Variants in UNC13C observed in about 807,000 individuals in gnomAD.
The protein encoded by UNC13C is unc-13 homolog C, also known as protein unc-13 homolog C.
In UNC13C, 174 loss-of-function variants were observed where a neutral mutation model predicts 245.4. That is an observed-to-expected ratio of 0.71 (90% CI 0.63 to 0.80). The LOEUF (loss-of-function observed/expected upper bound fraction) is 0.80. Among genes scored for constraint, UNC13C ranks in the 30% least tolerant of loss-of-function variants. The pLI, the probability that UNC13C is intolerant of heterozygous loss-of-function variation, is 0.00. For missense variants in UNC13C, 2,829 were observed against 2,602.9 expected (o/e 1.09, Z -1.89); for synonymous variants, 992 against 895.1 (o/e 1.11, Z -1.93).
chr15:54,134,049 C>CGTGT (rs3082223), intron 2 of UNC13C, among the ~76,000 whole-genome samples: 36,322 of 149,428 alleles, frequency 0.24, 4,668 homozygotes, highest in East Asian at 0.29. Context: ...TACTGAGTTA[C>CGTGT]GTGTGTGTGT....
In UNC13C at chr15:53,991,082, G is replaced by T. The variant is rs145513487; in HGVS notation, c.-257+12155G>T. On this transcript the variant is annotated intron_variant, in intron 1 of 32. Coordinates refer to ENST00000260323, the MANE Select transcript of UNC13C (RefSeq NM_001080534.3). ...TTATCTACTGGGGGCACAGTACCATGGGATAGTCATGAATTTAGGGTATAT... is the reference window on the plus strand; with the variant it reads ...TTATCTACTGGGGGCACAGTACCATTGGATAGTCATGAATTTAGGGTATAT... Among the ~76,000 whole-genome samples, 4 of 152,088 alleles carry T rather than the reference G, an allele frequency of 2.6e-5. No individual in the cohort carries two copies. In the East Asian group the frequency reaches 7.8e-4, roughly 29 times the overall value.
At chr15:54,381,182 T>C (rs780849475) in intron 17 of UNC13C, among the ~76,000 whole-genome samples, 12 of 152,190 alleles carry the variant, frequency 7.9e-5, no homozygotes, top group Non-Finnish European at 1.3e-4. Flanking sequence ...CATGTGGATG[T>C]CTAGTTTTCT....
At chr15:54,604,651 A>G (rs138752965) in intron 30 of UNC13C, among the ~76,000 whole-genome samples, 131 of 152,260 alleles carry the variant, frequency 8.6e-4, no homozygotes, top group African/African-American at 3.1e-3. Flanking sequence ...ACAGTCAGCA[A>G]TTCCTCTAAG....
intron 18 of UNC13C, among the ~76,000 whole-genome samples, chr15:54,407,156 G>C (rs965815601): frequency 4.6e-5 from 7 of 152,146 alleles, no homozygotes; most frequent in African/African-American, 1.7e-4. Context: ...GATGGCCTGT[G>C]TTTTTAAAAG....
At chr15:54,162,185 C>G (rs540454629) in intron 4 of UNC13C, among the ~76,000 whole-genome samples, 1 of 152,118 alleles carries the variant, frequency 6.6e-6, no homozygotes, top group African/African-American at 2.4e-5. Context: ...TTTCTTACAG[C>G]AGATGATCTA....
chr15:54,186,908 G>A (rs529007612), intron 4 of UNC13C, among the ~76,000 whole-genome samples: 2 of 149,048 alleles, frequency 1.3e-5, no homozygotes, highest in South Asian at 4.2e-4. Flanking sequence ...GAGTGCAGTG[G>A]CACAAACTTG....
At chr15:54,276,104 A>G (rs2036825213) in intron 10 of UNC13C, among the ~76,000 whole-genome samples, 1 of 152,096 alleles carries the variant, frequency 6.6e-6, no homozygotes, top group African/African-American at 2.4e-5. Flanking sequence ...AAGAAATCAG[A>G]TCAGTGTTTT....
intron 17 of UNC13C, among the ~76,000 whole-genome samples, chr15:54,373,150 C>G (rs1402319829): frequency 1.3e-5 from 2 of 152,072 alleles, no homozygotes; most frequent in African/African-American, 4.8e-5. Context: ...GAAGGAGCAA[C>G]CTTGGGTGAG....
the UNC13C span, among the ~76,000 whole-genome samples, chr15:53,868,893 G>A: frequency 6.6e-6 from 1 of 152,068 alleles, no homozygotes; most frequent in African/African-American, 2.4e-5. Context: ...CAAAATAGAA[G>A]GATCATTTGA....
chr15:54,357,654 A>G (rs749596754), intron 17 of UNC13C, among the ~76,000 whole-genome samples: 6 of 151,560 alleles, frequency 4.0e-5, no homozygotes, highest in South Asian at 2.1e-4. Context: ...AAAATTAGAC[A>G]TATTAGGAGG....
chr15:54,589,657 C>A (rs138989425), intron 30 of UNC13C, among the ~76,000 whole-genome samples: 4 of 149,132 alleles, frequency 2.7e-5, no homozygotes, highest in Middle Eastern at 3.2e-3. Context: ...ACTTTTTCAT[C>A]AGATTTTTTT....
chr15:54,419,261 A>G (rs2040586689), intron 19 of UNC13C, among the ~76,000 whole-genome samples: 1 of 152,158 alleles, frequency 6.6e-6, no homozygotes. Flanking sequence ...TATGTAATTA[A>G]CTGGTCAGCC....
At chr15:53,849,741 A>T in the UNC13C span, among the ~76,000 whole-genome samples, 2 of 152,238 alleles carry the variant, frequency 1.3e-5, no homozygotes, top group East Asian at 3.9e-4. Flanking sequence ...GCAACCATCA[A>T]TTATCATGGA....
At chr15:54,519,109 AAAC>A (rs1284730457) in intron 24 of UNC13C, among the ~76,000 whole-genome samples, 1 of 152,180 alleles carries the variant, frequency 6.6e-6, no homozygotes, top group Non-Finnish European at 1.5e-5. Flanking sequence ...ACCCATTTGG[AAAC>A]AACGAGGAAG....
intron 24 of UNC13C, among the ~76,000 whole-genome samples, chr15:54,515,066 A>T (rs1351450452): frequency 3.9e-5 from 6 of 152,170 alleles, no homozygotes; most frequent in Non-Finnish European, 8.8e-5. Context: ...AACATCTCTG[A>T]TTCCTCTAGA....
intron 4 of UNC13C, among the ~76,000 whole-genome samples, chr15:54,222,291 T>C (rs1314087744): frequency 6.6e-6 from 1 of 151,956 alleles, no homozygotes; most frequent in African/African-American, 2.4e-5. Context: ...CTATTCCCTG[T>C]CTCCATGAGT....
At chr15:54,564,235 A>G (rs1462633513) in intron 29 of UNC13C, among the ~76,000 whole-genome samples, 1 of 152,064 alleles carries the variant, frequency 6.6e-6, no homozygotes, top group Non-Finnish European at 1.5e-5. Flanking sequence ...AAAGACAAAG[A>G]CATTAGTTTC....
At chr15:54,350,599 A>G (rs908308109) in intron 17 of UNC13C, among the ~76,000 whole-genome samples, 8 of 152,210 alleles carry the variant, frequency 5.3e-5, no homozygotes, top group African/African-American at 1.9e-4. Context: ...TCTGGAGTCA[A>G]TTACCTAAAC....
intron 2 of UNC13C, among the ~76,000 whole-genome samples, chr15:54,096,704 C>T (rs1484540506): frequency 1.3e-5 from 2 of 152,180 alleles, no homozygotes; most frequent in African/African-American, 4.8e-5. Context: ...CGACCTTTCT[C>T]TCCAACCCTG....
Sources: gnomAD v4.1 joint callset for allele counts (sites outside exome capture counted in the v4.1 genomes callset) on GRCh38, gnomAD v4.1.1 for gene constraint, MANE v1.5 for transcripts, NCBI Gene and HGNC (gene_info 2026-07-23, HGNC 2026-07-21) for gene names.